The following PTN variants were observed in gnomAD, a reference collection of about 807,000 sequenced individuals.
PTN encodes the protein pleiotrophin, also known as heparin affin regulatory protein.
Under a neutral mutation model 24.1 loss-of-function variants are expected in PTN, and 18 were observed. The observed-to-expected ratio is 0.75, with a 90% CI of 0.52 to 1.11. The LOEUF is 1.11. Ranked by LOEUF, PTN falls within the 50% of genes least tolerant of loss-of-function variation. The pLI is 0.00. For synonymous variants in PTN, 78 were observed against 68.6 expected, an observed-to-expected ratio of 1.14 and a Z score of -0.67; for missense variants, 163 against 198.8, an observed-to-expected ratio of 0.82 and a Z score of 1.08.
intron 1 of PTN, among the ~76,000 whole-genome samples, chr7:137,318,172 G>A (rs888558629): frequency 2.0e-5 from 3 of 152,200 alleles, no homozygotes; most frequent in Non-Finnish European, 4.4e-5. Context: ...GGAGGCTGAG[G>A]CAGGAGAATT....
intron 1 of PTN, among the ~76,000 whole-genome samples, chr7:137,288,047 C>T (rs76370532): frequency 0.01 from 1,529 of 152,152 alleles, 15 homozygotes; most frequent in Non-Finnish European, 0.014. Context: ...AGAAGGAATA[C>T]GTAAAAGAGG....
rs191632897 is a variant in PTN at position 137,285,989 on chromosome 7, G to A, written c.-1-31015C>T. 1.8e-4 allele frequency among the ~76,000 whole-genome samples: 27 copies of A among 152,220 alleles called. 1 individual carries two copies. Among genetic ancestry groups the A allele is most frequent in the South Asian group, 6.2e-4 (3 of 4,826 alleles). On this transcript the variant is annotated intron_variant, in intron 1 of 4. Coordinates refer to ENST00000348225, the MANE Select transcript of PTN (RefSeq NM_002825.7). ...TCTTGGTTATCTGGTTTTCACATAC[G>A]TAGGAAATAGAAGGAAGGAAAATAA...
chr7:137,245,151 A>G (rs1808701114), intron 4 of PTN, among the ~76,000 whole-genome samples: 1 of 152,228 alleles, frequency 6.6e-6, no homozygotes, highest in South Asian at 2.1e-4. Flanking sequence ...AGTGGTCAGG[A>G]AGTAAGCAAA....
chr7:137,240,747 G>C (rs183329741), intron 4 of PTN, among the ~76,000 whole-genome samples: 1 of 152,178 alleles, frequency 6.6e-6, no homozygotes, highest in Non-Finnish European at 1.5e-5. Context: ...CTGCTAAGGA[G>C]TCAGGGTGGG....
At chr7:137,311,131 C>A (rs547235814) in intron 1 of PTN, among the ~76,000 whole-genome samples, 84 of 151,308 alleles carry the variant, frequency 5.6e-4, no homozygotes, top group African/African-American at 1.9e-3. Context: ...ACTTGAGAGG[C>A]TGAGGCATGA....
At chr7:137,256,189 T>G (rs1293620923) in intron 1 of PTN, among the ~76,000 whole-genome samples, 1 of 152,160 alleles carries the variant, frequency 6.6e-6, no homozygotes, top group Non-Finnish European at 1.5e-5. Flanking sequence ...TTTTTAAATT[T>G]ATTTATTTTT....
intron 1 of PTN, among the ~76,000 whole-genome samples, chr7:137,258,550 G>A (rs1255023945): frequency 6.6e-6 from 1 of 152,048 alleles, no homozygotes; most frequent in Non-Finnish European, 1.5e-5. Context: ...ATGTTTCTGG[G>A]TAGAGAAAAT....
At chr7:137,300,218 A>C (rs1429666026) in intron 1 of PTN, among the ~76,000 whole-genome samples, 1 of 151,954 alleles carries the variant, frequency 6.6e-6, no homozygotes, top group Non-Finnish European at 1.5e-5. Context: ...GAATTTTGTG[A>C]CCATCAGAGT....
At chr7:137,305,302 T>C (rs906319086) in intron 1 of PTN, among the ~76,000 whole-genome samples, 1 of 152,086 alleles carries the variant, frequency 6.6e-6, no homozygotes, top group Admixed American at 6.6e-5. Context: ...TTTGTCTTTA[T>C]CATATGAATG....
intron 4 of PTN, among the ~76,000 whole-genome samples, chr7:137,237,475 G>T (rs1808544157): frequency 6.6e-6 from 1 of 152,162 alleles, no homozygotes; most frequent in African/African-American, 2.4e-5. Context: ...GTATCCTTCA[G>T]AGCATATTCA....
chr7:137,261,854 T>C (rs1809044296), intron 1 of PTN, among the ~76,000 whole-genome samples: 1 of 152,220 alleles, frequency 6.6e-6, no homozygotes, highest in African/African-American at 2.4e-5. Context: ...TGTGTACCTT[T>C]GCTTTCTCTG....
At chr7:137,247,095 CT>C (rs2128870166) in intron 4 of PTN, among the ~76,000 whole-genome samples, 2 of 152,284 alleles carry the variant, frequency 1.3e-5, no homozygotes, top group East Asian at 3.9e-4. Flanking sequence ...ATGATGTACT[CT>C]TTCCTGAAGG....
At chr7:137,294,934 G>A (rs1207947601) in intron 1 of PTN, among the ~76,000 whole-genome samples, 1 of 152,014 alleles carries the variant, frequency 6.6e-6, no homozygotes, top group East Asian at 1.9e-4. Context: ...AGAGAGTTTG[G>A]CAAACAATAA....
chr7:137,322,551 A>C lies in PTN; in HGVS notation c.-2+20888T>G, dbSNP rs972389553. 4.6e-5 allele frequency among the ~76,000 whole-genome samples: 7 copies of C among 152,020 alleles called. No individual in the cohort carries two copies. In the East Asian group the frequency reaches 1.4e-3, roughly 29 times the overall value. On this transcript the variant is annotated intron_variant, in intron 1 of 4. Coordinates refer to ENST00000348225, the MANE Select transcript of PTN (RefSeq NM_002825.7). ...TTTTTTTTATGACCTATCATTAAAA[A>C]CTCTGTTATTCATAAATGTATAGAA...
intron 4 of PTN, among the ~76,000 whole-genome samples, chr7:137,244,509 T>A (rs1191690260): frequency 6.6e-6 from 1 of 151,644 alleles, no homozygotes; most frequent in African/African-American, 2.4e-5. Flanking sequence ...TAGGCATATC[T>A]CCTAATGCTA....
At chr7:137,289,893 G>A (rs1809612918) in intron 1 of PTN, among the ~76,000 whole-genome samples, 1 of 152,220 alleles carries the variant, frequency 6.6e-6, no homozygotes. Flanking sequence ...ACATAACTGT[G>A]CGTTAATCAT....
intron 1 of PTN, among the ~76,000 whole-genome samples, chr7:137,319,642 C>CA (rs1810130832): frequency 6.6e-6 from 1 of 152,180 alleles, no homozygotes; most frequent in African/African-American, 2.4e-5. Context: ...ATCAGGATCT[C>CA]AAAATGTCTC....
At chr7:137,297,564 G>T (rs1809738470) in intron 1 of PTN, among the ~76,000 whole-genome samples, 2 of 152,006 alleles carry the variant, frequency 1.3e-5, no homozygotes, top group Admixed American at 1.3e-4. Context: ...ACTAGAAGGG[G>T]TCATTGTCAG....
Position 137,274,526 on chromosome 7 carries a change from C to T in PTN, c.-1-19552G>A, listed in dbSNP as rs1051620521. Among the ~76,000 whole-genome samples, 7 of 152,106 alleles carry T rather than the reference C, an allele frequency of 4.6e-5. No individual in the cohort carries two copies. In the East Asian group the frequency reaches 7.7e-4, roughly 17 times the overall value. On this transcript the variant is annotated intron_variant, in intron 1 of 4. Transcript: ENST00000348225. ...GTCCCTCCCCTAGGCCCCCACCCCC[C>T]GACAGGCCCTGGTGTGTGATGTTCC...
Sources: gnomAD v4.1 joint callset for allele counts (sites outside exome capture counted in the v4.1 genomes callset) on GRCh38, gnomAD v4.1.1 for gene constraint, MANE v1.5 for transcripts, NCBI Gene and HGNC (gene_info 2026-07-23, HGNC 2026-07-21) for gene names.